Variants in TRIM2 observed in about 807,000 individuals in gnomAD.
TRIM2 encodes tripartite motif containing 2.
TRIM2 carries 20 observed loss-of-function variants against 75.2 expected under a neutral mutation model. That is an observed-to-expected ratio of 0.27 (90% CI 0.19 to 0.39). The LOEUF (loss-of-function observed/expected upper bound fraction) is 0.39, where lower values mean the gene tolerates loss of function less well. Among genes scored for constraint, TRIM2 ranks in the 10% least tolerant of loss-of-function variants. The probability of loss-of-function intolerance (pLI) is 1.00; values close to 1 mark genes in which losing one functional copy is unlikely to be tolerated. For synonymous variants in TRIM2, 373 were observed against 388.3 expected, an observed-to-expected ratio of 0.96 and a Z score of 0.46; for missense variants, 660 against 990.8, an observed-to-expected ratio of 0.67 and a Z score of 4.48.
chr4:153,258,162 C>T (rs997476543), intron 1 of TRIM2, among the ~76,000 whole-genome samples: 4 of 152,130 alleles, frequency 2.6e-5, no homozygotes, highest in African/African-American at 9.7e-5. Flanking sequence ...ACCCTCCCCC[C>T]ACTCTGTCCT....
At chr4:153,226,688 G>A (rs57866281) in intron 1 of TRIM2, among the ~76,000 whole-genome samples, 9,054 of 152,216 alleles carry the variant, frequency 0.059, 796 homozygotes, top group African/African-American at 0.19. Flanking sequence ...ATGAGGACTA[G>A]CGTTTTAGTA....
intron 1 of TRIM2, chr4:153,266,982 C>T (rs1450893463): frequency 6.7e-6 from 1 of 149,742 alleles, no homozygotes; most frequent in Non-Finnish European, 1.5e-5. Context: ...GATCGGTTAC[C>T]TGTAAACACC....
intron 6 of TRIM2, among the ~76,000 whole-genome samples, chr4:153,298,926 G>A (rs1175692651): frequency 6.6e-6 from 1 of 151,650 alleles, no homozygotes; most frequent in Admixed American, 6.6e-5. Context: ...TTTTTTAGGG[G>A]TTGGGTCTCG....
chr4:153,175,012 GTTTTGTT>G (rs1560786235), intron 1 of TRIM2, among the ~76,000 whole-genome samples: 1 of 149,212 alleles, frequency 6.7e-6, no homozygotes, highest in Non-Finnish European at 1.5e-5. Flanking sequence ...TTTTTGTTTT[GTTTTGTT>G]TTTTTTTGAG....
chr4:153,222,002 G>A (rs1740518214), intron 1 of TRIM2, among the ~76,000 whole-genome samples: 98 of 127,908 alleles, frequency 7.7e-4, no homozygotes, highest in African/African-American at 2.7e-3. Flanking sequence ...GAGGAAGGAA[G>A]GAAAGAAGGA....
chr4:153,313,247 G>A (rs1010511565), intron 6 of TRIM2, among the ~76,000 whole-genome samples: 18 of 152,104 alleles, frequency 1.2e-4, no homozygotes, highest in African/African-American at 4.1e-4. Flanking sequence ...GTGTATTGAA[G>A]ATCCTTTCTT....
rs139093547 is a variant in TRIM2, at chr4:153,295,642, C to T, written c.1116C>T (p.Ser372=). ...LRQTIIGQPM[S]VTITTKDKDG... ...AGACCATCATCGGGCAGCCCATGTC[C>T]GTCACCATCACCACCAAGGACAAAG... is the stretch of plus-strand genomic sequence containing the variant. Residue 372 remains serine (S), a synonymous_variant, in exon 6 of 12, where the codon TCC becomes TCT. Coordinates refer to ENST00000338700, the MANE Select transcript of TRIM2 (RefSeq NM_015271.5). This position sits in a 1 kb window ranked among gnomAD's most constrained non-coding sequence, Gnocchi z 7.2. The T allele has an allele frequency of 7.6e-5, 122 of 1,614,000 alleles. No individual in the cohort carries two copies. The African/African-American group carries it at 1.2e-3, about 16-fold the overall frequency.
chr4:153,208,501 TA>T (rs1736070415), intron 1 of TRIM2, among the ~76,000 whole-genome samples: 1 of 152,128 alleles, frequency 6.6e-6, no homozygotes, highest in Non-Finnish European at 1.5e-5. Flanking sequence ...TGTCACTATC[TA>T]AAATTTTCAT....
intron 3 of TRIM2, among the ~76,000 whole-genome samples, chr4:153,292,315 A>T (rs1337402780): frequency 2.6e-5 from 4 of 152,078 alleles, no homozygotes; most frequent in South Asian, 2.1e-4. Flanking sequence ...TTTCCCACAA[A>T]TTTTTTTGTT....
chr4:153,194,438 T>A (rs1229234416), intron 1 of TRIM2, among the ~76,000 whole-genome samples: 1 of 152,102 alleles, frequency 6.6e-6, no homozygotes, highest in Non-Finnish European at 1.5e-5. Flanking sequence ...ACAACATGGA[T>A]CAACCTCAAA....
At chr4:153,220,020 C>T (rs780281206) in intron 1 of TRIM2, among the ~76,000 whole-genome samples, 5 of 152,110 alleles carry the variant, frequency 3.3e-5, no homozygotes, top group Admixed American at 1.3e-4. Context: ...TTAAATAGGA[C>T]GTTGATCTCA....
At chr4:153,212,876 G>A (rs192645530) in intron 1 of TRIM2, among the ~76,000 whole-genome samples, 153 of 152,236 alleles carry the variant, frequency 1.0e-3, no homozygotes, top group Non-Finnish European at 1.7e-3. Context: ...TCCTTTGCAT[G>A]GTGGTTGTGC....
chr4:153,265,990 C>T (rs1486238576), intron 1 of TRIM2, among the ~76,000 whole-genome samples: 1 of 152,130 alleles, frequency 6.6e-6, no homozygotes, highest in Non-Finnish European at 1.5e-5. Flanking sequence ...GACAGGCTCT[C>T]AACATTTTGA....
At chr4:153,227,642 C>T (rs1207375790) in intron 1 of TRIM2, among the ~76,000 whole-genome samples, 3 of 152,162 alleles carry the variant, frequency 2.0e-5, no homozygotes, top group African/African-American at 7.2e-5. Context: ...ATCTCGTTAG[C>T]TTGCCCGTAT....
chr4:153,336,072 T>G lies in TRIM2; in HGVS notation c.*1106T>G, dbSNP rs1173760796. ...ATCATTGTTTAATGAATAGTAGAGG[T>G]GTCAAGGGACTATGTATACATGATT... On this transcript the variant is annotated 3_prime_UTR_variant, in exon 12 of 12. Transcript: ENST00000338700. 1 of 985,448 alleles carries G rather than the reference T, an allele frequency of 1.0e-6. No homozygotes were observed. The highest frequency in any genetic ancestry group is 6.2e-5 in the Admixed American group (1 of 16,222). The allele number at this position is 985,448 out of a possible 1,614,324, so 61.0% of individuals were successfully genotyped here.
chr4:153,203,914 TAAATA>T (rs1167331253), upstream of TRIM2, among the ~76,000 whole-genome samples: 3 of 151,886 alleles, frequency 2.0e-5, no homozygotes, highest in Admixed American at 6.6e-5. Flanking sequence ...AATAAATAAA[TAAATA>T]AAATAAAGAT....
intron 3 of TRIM2, among the ~76,000 whole-genome samples, chr4:153,288,669 T>C (rs1761193658): frequency 6.6e-6 from 1 of 152,144 alleles, no homozygotes; most frequent in Admixed American, 6.6e-5. Context: ...TTTGCAAATA[T>C]CGGTTCTTTC....
At chr4:153,234,336 C>T (rs763231361) in intron 1 of TRIM2, among the ~76,000 whole-genome samples, 5 of 152,110 alleles carry the variant, frequency 3.3e-5, no homozygotes, top group Non-Finnish European at 5.9e-5. Context: ...TGTTGGATAG[C>T]GATTCTCAAA....
intron 10 of TRIM2, 36 bp from the exon 11 acceptor site, chr4:153,328,494 A>C: frequency 6.4e-7 from 1 of 1,560,114 alleles, no homozygotes; most frequent in South Asian, 1.2e-5. Context: ...AAGTATTTTG[A>C]TGTAAAACAA....
Sources: allele counts gnomAD v4.1 joint callset (sites outside exome capture counted in the v4.1 genomes callset), GRCh38; gene constraint gnomAD v4.1.1; non-coding constraint Gnocchi (gnomAD v3.1); transcripts MANE v1.5; gene names NCBI Gene and HGNC (gene_info 2026-07-23, HGNC 2026-07-21).